UNC5D: variants seen among roughly 807,000 people sequenced by gnomAD.
UNC5D encodes the protein netrin receptor UNC5D.
Under a neutral mutation model 105.4 loss-of-function variants are expected in UNC5D, and 39 were observed. The ratio of observed to expected loss-of-function variants is 0.37; its 90% confidence interval spans 0.29 to 0.48. The LOEUF is 0.48. Ranked by LOEUF, UNC5D falls within the 20% of genes least tolerant of loss-of-function variation. The pLI, the probability that UNC5D is intolerant of heterozygous loss-of-function variation, is 0.98. For missense variants in UNC5D, 991 were observed against 1,202.4 expected (o/e 0.82, Z 2.60); for synonymous variants, 452 against 450.4 (o/e 1.00, Z -0.04).
chr8:35,371,367 G>A (rs1469320445), intron 1 of UNC5D, among the ~76,000 whole-genome samples: 3 of 152,082 alleles, frequency 2.0e-5, no homozygotes, highest in African/African-American at 7.2e-5. Context: ...CCTACTTCCA[G>A]GCCAAGACGA....
chr8:35,577,198 CATT>C (rs564233485), intron 3 of UNC5D, among the ~76,000 whole-genome samples: 73 of 152,288 alleles, frequency 4.8e-4, no homozygotes, highest in African/African-American at 1.7e-3. Flanking sequence ...TAACTAGTAT[CATT>C]ATCAATAATT....
intron 1 of UNC5D, among the ~76,000 whole-genome samples, chr8:35,338,289 G>T (rs1335751629): frequency 6.6e-6 from 1 of 151,708 alleles, no homozygotes; most frequent in Non-Finnish European, 1.5e-5. Context: ...ATTCTTCAGG[G>T]TTTTTTTTCT....
intron 4 of UNC5D, among the ~76,000 whole-genome samples, chr8:35,673,612 G>T (rs1824984522): frequency 6.6e-6 from 1 of 151,990 alleles, no homozygotes; most frequent in Admixed American, 6.6e-5. Flanking sequence ...GTTGCCGTGG[G>T]GATCAAATAA....
intron 7 of UNC5D, among the ~76,000 whole-genome samples, chr8:35,700,121 G>A (rs1827085920): frequency 6.6e-6 from 1 of 152,162 alleles, no homozygotes; most frequent in South Asian, 2.1e-4. Flanking sequence ...GCTAATACAA[G>A]GCCTATCTGC....
At chr8:35,601,066 C>T (rs533495807) in intron 4 of UNC5D, among the ~76,000 whole-genome samples, 9 of 152,216 alleles carry the variant, frequency 5.9e-5, no homozygotes, top group Admixed American at 1.3e-4. Flanking sequence ...AATCCTATCC[C>T]TATTGCTTGT....
chr8:35,636,245 C>T lies in UNC5D; in HGVS notation c.570+40588C>T, dbSNP rs1343238898. On this transcript the variant is annotated intron_variant, in intron 4 of 16. Transcript: ENST00000404895. ...GTCGAATGATGGGTTTTGTACCTACCGGTAATAGTTTCTAGTAACTAAGCA... is the reference window on the plus strand; with the variant it reads ...GTCGAATGATGGGTTTTGTACCTACTGGTAATAGTTTCTAGTAACTAAGCA... Among the ~76,000 whole-genome samples the T allele has an allele frequency of 2.6e-5, 4 of 152,066 alleles. No homozygotes were observed. The South Asian group carries it at 6.2e-4, about 24-fold the overall frequency.
chr8:35,503,332 A>G (rs1234443681), intron 1 of UNC5D, among the ~76,000 whole-genome samples: 1 of 152,168 alleles, frequency 6.6e-6, no homozygotes, highest in African/African-American at 2.4e-5. Flanking sequence ...AGGCCTCACA[A>G]TCATGGTGGC....
intron 1 of UNC5D, among the ~76,000 whole-genome samples, chr8:35,533,783 A>G (rs1376963389): frequency 1.3e-5 from 2 of 152,144 alleles, no homozygotes; most frequent in South Asian, 2.1e-4. Flanking sequence ...GAAAAGCACA[A>G]TATTCGGGTG....
chr8:35,683,478 T>C, intron 4 of UNC5D, 69 bp from the exon 5 acceptor site: 1 of 1,487,582 alleles, frequency 6.7e-7, no homozygotes, highest in Non-Finnish European at 8.9e-7. Context: ...CCGAATCTGC[T>C]CACTTTTCAA....
intron 8 of UNC5D, among the ~76,000 whole-genome samples, chr8:35,713,186 A>T (rs1828060751): frequency 6.6e-6 from 1 of 152,178 alleles, no homozygotes; most frequent in Non-Finnish European, 1.5e-5. Context: ...TAAATACCTC[A>T]GACATAAGCA....
intron 1 of UNC5D, among the ~76,000 whole-genome samples, chr8:35,499,100 T>C (rs1811806192): frequency 6.6e-6 from 1 of 152,210 alleles, no homozygotes; most frequent in Admixed American, 6.5e-5. Flanking sequence ...AGGGAAGAGC[T>C]TGGGGATTGG....
chr8:35,569,174 T>C (rs1027539913), intron 3 of UNC5D, among the ~76,000 whole-genome samples: 1 of 152,166 alleles, frequency 6.6e-6, no homozygotes, highest in Non-Finnish European at 1.5e-5. Context: ...TTTAAAAAAG[T>C]TTCATAAATA....
At chr8:35,606,864 G>T in intron 4 of UNC5D, among the ~76,000 whole-genome samples, 1 of 152,202 alleles carries the variant, frequency 6.6e-6, no homozygotes. Context: ...TAGGAACTCT[G>T]TGGCTGTTCA....
chr8:35,684,847 C>A (rs1422242962), intron 6 of UNC5D, 98 bp downstream of exon 6: 1 of 1,413,176 alleles, frequency 7.1e-7, no homozygotes, highest in East Asian at 2.4e-5. Context: ...AAGTTACCCT[C>A]TCCCAAGTTC....
chr8:35,605,158 TC>T (rs1820201662), intron 4 of UNC5D, among the ~76,000 whole-genome samples: 1 of 152,340 alleles, frequency 6.6e-6, no homozygotes, highest in East Asian at 1.9e-4. Context: ...TTCTGTTTTT[TC>T]CCCATCTTTG....
At chr8:35,285,538 A>G (rs2128855454) in intron 1 of UNC5D, among the ~76,000 whole-genome samples, 1 of 152,332 alleles carries the variant, frequency 6.6e-6, no homozygotes, top group Non-Finnish European at 1.5e-5. Flanking sequence ...GTAGCATTTA[A>G]TTTGCTATCA....
At chr8:35,775,481 A>G (rs1802203777) in intron 16 of UNC5D, among the ~76,000 whole-genome samples, 1 of 151,996 alleles carries the variant, frequency 6.6e-6, no homozygotes, top group Non-Finnish European at 1.5e-5. Flanking sequence ...TGAGGGATAC[A>G]CAGCATCCCT....
At chr8:35,662,666 T>C (rs1274535157) in intron 4 of UNC5D, among the ~76,000 whole-genome samples, 1 of 152,170 alleles carries the variant, frequency 6.6e-6, no homozygotes, top group Non-Finnish European at 1.5e-5. Context: ...GGGCTAAAAA[T>C]GAATAGCTCA....
chr8:35,533,922 A>G (rs1461096859), intron 1 of UNC5D, among the ~76,000 whole-genome samples: 1 of 152,042 alleles, frequency 6.6e-6, no homozygotes, highest in Non-Finnish European at 1.5e-5. Context: ...CGGTGCGCGC[A>G]CCCACTGGCC....
Sources: allele counts gnomAD v4.1 joint callset (sites outside exome capture counted in the v4.1 genomes callset), GRCh38; gene constraint gnomAD v4.1.1; transcripts MANE v1.5; gene names NCBI Gene and HGNC (gene_info 2026-07-23, HGNC 2026-07-21).